Variants in DIRAS2 observed in about 807,000 individuals in gnomAD.
The protein encoded by DIRAS2 is GTP-binding protein Di-Ras2.
DIRAS2 carries 5 observed loss-of-function variants against 13.9 expected under a neutral mutation model. The observed-to-expected ratio is 0.36, with a 90% CI of 0.19 to 0.76. The LOEUF (loss-of-function observed/expected upper bound fraction) is 0.76, where lower values mean the gene tolerates loss of function less well. DIRAS2 is among the 30% of genes least tolerant of loss of function. DIRAS2 has a pLI of 0.53. For missense variants in DIRAS2, 191 were observed against 263.0 expected (o/e 0.73, Z 1.89); for synonymous variants, 111 against 105.4 (o/e 1.05, Z -0.33).
intron 1 of DIRAS2, among the ~76,000 whole-genome samples, chr9:90,626,641 A>C (rs1479047456): frequency 1.3e-5 from 2 of 152,226 alleles, no homozygotes; most frequent in Non-Finnish European, 2.9e-5. Context: ...AAGTGTTAGC[A>C]AAGATAGAGA....
At chr9:90,636,063 A>T (rs138847144) in intron 1 of DIRAS2, among the ~76,000 whole-genome samples, 26,937 of 115,510 alleles carry the variant, frequency 0.23, 3,116 homozygotes, top group Middle Eastern at 0.39. Flanking sequence ...TTTGAGACAG[A>T]GTCTCGCTCC....
rs1447988619 is a variant in DIRAS2 at position 90,613,447 on chromosome 9, G to A, written c.381C>T (p.Pro127=). ...MLVGNKCDES[P]SREVQSSEAE... ...CCTCGCTGCTCTGCACCTCGCGGCT[G>A]GGGCTCTCATCACACTTGTTCCCCA... The change falls in exon 2 of 2, where the codon CCC becomes CCT. Residue 127 remains proline, a synonymous_variant. Transcript: ENST00000375765. This position sits in a 1 kb window ranked among gnomAD's most constrained non-coding sequence, Gnocchi z 5.6. 6.2e-7 allele frequency: 1 copy of A among 1,614,044 alleles called. No individual in the cohort carries two copies. The highest frequency in any genetic ancestry group is 1.7e-5 in the Admixed American group (1 of 60,010).
intron 1 of DIRAS2, among the ~76,000 whole-genome samples, chr9:90,621,659 C>T (rs1054274300): frequency 4.6e-5 from 7 of 152,196 alleles, no homozygotes; most frequent in Non-Finnish European, 7.3e-5. Context: ...CCCAGTTTCT[C>T]TTTTCAGAAA....
intron 1 of DIRAS2, among the ~76,000 whole-genome samples, chr9:90,619,677 C>T (rs1353211549): frequency 6.6e-6 from 1 of 152,120 alleles, no homozygotes; most frequent in African/African-American, 2.4e-5. Flanking sequence ...TAATATGACC[C>T]AGCAATTCCC....
At chr9:90,623,475 T>TAA (rs11428765) in intron 1 of DIRAS2, among the ~76,000 whole-genome samples, 24 of 151,142 alleles carry the variant, frequency 1.6e-4, no homozygotes, top group East Asian at 3.9e-4. Context: ...ATTAAGAAAA[T>TAA]AAAAAAAAAT....
At position 90,613,094 on chromosome 9, in the gene DIRAS2, C is replaced by A; in HGVS notation, c.*134G>T. ...GTGGTGTGAAACGCCCTCTTAAGGA[C>A]AATAGGACGCATCTCGATTAAATGC... On this transcript the variant is annotated 3_prime_UTR_variant, in exon 2 of 2. Coordinates refer to ENST00000375765, the MANE Select transcript of DIRAS2 (RefSeq NM_017594.5). The surrounding 1 kb of genome is among the most constrained non-coding windows in gnomAD (Gnocchi z 5.6). 7.6e-7 allele frequency: 1 copy of A among 1,314,806 alleles called. No individual in the cohort carries two copies. Among genetic ancestry groups the A allele is most frequent in the Non-Finnish European group, 1.0e-6 (1 of 961,814 alleles). The allele number at this position is 1,314,806 out of a possible 1,614,324, so 81.4% of individuals were successfully genotyped here. A position where few individuals can be genotyped will look rare whatever the true frequency, so the allele number is the denominator to read the frequency against.
chr9:90,639,056 TAATC>T (rs1239380719), intron 1 of DIRAS2, among the ~76,000 whole-genome samples: 12 of 152,102 alleles, frequency 7.9e-5, no homozygotes, highest in Non-Finnish European at 1.2e-4. Flanking sequence ...CTCAGAAAAA[TAATC>T]ACTTTGCAGA....
intron 1 of DIRAS2, among the ~76,000 whole-genome samples, chr9:90,620,822 T>C (rs1313329842): frequency 6.6e-6 from 1 of 152,026 alleles, no homozygotes; most frequent in Non-Finnish European, 1.5e-5. Flanking sequence ...AACCTGACGG[T>C]GGCCTGCTGG....
intron 1 of DIRAS2, among the ~76,000 whole-genome samples, chr9:90,641,351 G>A (rs2118593766): frequency 6.6e-6 from 1 of 152,306 alleles, no homozygotes; most frequent in African/African-American, 2.4e-5. Context: ...CAGCAGTTCT[G>A]TGCCTTGGTA....
chr9:90,635,775 TG>T (rs1374192873), intron 1 of DIRAS2, among the ~76,000 whole-genome samples: 1 of 152,238 alleles, frequency 6.6e-6, no homozygotes, highest in Non-Finnish European at 1.5e-5. Flanking sequence ...GAGAAGGTAA[TG>T]GAAGACAAGA....
At chr9:90,628,153 G>A (rs536948892) in intron 1 of DIRAS2, among the ~76,000 whole-genome samples, 1 of 152,280 alleles carries the variant, frequency 6.6e-6, no homozygotes, top group Non-Finnish European at 1.5e-5. Context: ...AGTTCCTACT[G>A]TATTACTGAC....
intron 1 of DIRAS2, among the ~76,000 whole-genome samples, chr9:90,628,975 C>T (rs1464900666): frequency 3.9e-5 from 6 of 152,154 alleles, no homozygotes; most frequent in African/African-American, 1.4e-4. Context: ...CTGCTTCAGC[C>T]TCCTGAGTAG....
rs1825098631 is a variant in DIRAS2, at chr9:90,610,337, T to G, written c.*2891A>C. ...AATGCAGGAAGATAAATTATATATT[T>G]TATATACATGTAATTTTAGATAGAA... On this transcript the variant is annotated 3_prime_UTR_variant, in exon 2 of 2. Coordinates refer to ENST00000375765, the MANE Select transcript of DIRAS2 (RefSeq NM_017594.5). 12 of 398,818 alleles carry G rather than the reference T, an allele frequency of 3.0e-5. No homozygotes were observed. In the East Asian group the frequency reaches 3.9e-4, roughly 13 times the overall value. The allele number at this position is 398,818 out of a possible 1,614,324, so 24.7% of individuals were successfully genotyped here.
At position 90,613,551 on chromosome 9, in the gene DIRAS2, A is replaced by G; in HGVS notation, c.277T>C (p.Ser93Pro). ...TAGATGGGCTTGAGCTCCTCCAAGG[A>G]CTGTCGGCTGGTAATGGAGTACACC... ...ILVYSITSRQ[S>P]LEELKPIYEQ... Residue 93 changes from serine (S) to proline (P), a missense_variant, in exon 2 of 2, where the codon TCC becomes CCC. Coordinates refer to ENST00000375765, the MANE Select transcript of DIRAS2 (RefSeq NM_017594.5). This position sits in a 1 kb window ranked among gnomAD's most constrained non-coding sequence, Gnocchi z 5.6. 6.2e-7 allele frequency: 1 copy of G among 1,614,094 alleles called. No homozygotes were observed. Among genetic ancestry groups the G allele is most frequent in the Non-Finnish European group, 8.5e-7 (1 of 1,180,018 alleles).
At chr9:90,636,791 T>C (rs1203632296) in intron 1 of DIRAS2, among the ~76,000 whole-genome samples, 1 of 152,228 alleles carries the variant, frequency 6.6e-6, no homozygotes, top group African/African-American at 2.4e-5. Context: ...AAGTATGGTA[T>C]ACACAGTGTT....
rs547492067 is a variant in DIRAS2 at position 90,618,001 on chromosome 9, C to G, written c.-36-4138G>C. 3.3e-5 allele frequency among the ~76,000 whole-genome samples: 5 copies of G among 152,304 alleles called. No homozygotes were observed. In the South Asian group the frequency reaches 1.0e-3, roughly 32 times the overall value. ...AAGATAGCAGTATTTCCAGGAATCA[C>G]CTACAGATTCAATGCAATTCTTAAA... On this transcript the variant is annotated intron_variant, in intron 1 of 1. Coordinates refer to ENST00000375765, the MANE Select transcript of DIRAS2 (RefSeq NM_017594.5).
At chr9:90,620,877 G>A (rs1040863785) in intron 1 of DIRAS2, among the ~76,000 whole-genome samples, 17 of 152,310 alleles carry the variant, frequency 1.1e-4, no homozygotes, top group African/African-American at 4.1e-4. Flanking sequence ...TGGTTACACA[G>A]ATGTTAACAT....
intron 1 of DIRAS2, among the ~76,000 whole-genome samples, chr9:90,640,989 A>T (rs1825413889): frequency 6.6e-6 from 1 of 152,188 alleles, no homozygotes; most frequent in Non-Finnish European, 1.5e-5. Flanking sequence ...GTTGTTTTTT[A>T]AAAGGTTTTA....
rs541361019 is a variant in DIRAS2, at chr9:90,610,597, A to G, written c.*2631T>C. 1.1e-4 allele frequency: 42 copies of G among 394,812 alleles called. No individual in the cohort carries two copies. The South Asian group carries it at 2.7e-3, about 25-fold the overall frequency. The allele number at this position is 394,812 out of a possible 1,614,324, so 24.5% of individuals were successfully genotyped here. ...GGATGTGTTTTCAAGAACCACAGCT[A>G]CATATTTGGGAATGGAAACGTACAA... On this transcript the variant is annotated 3_prime_UTR_variant, in exon 2 of 2. Transcript: ENST00000375765.
Sources: allele counts gnomAD v4.1 joint callset (sites outside exome capture counted in the v4.1 genomes callset), GRCh38; gene constraint gnomAD v4.1.1; non-coding constraint Gnocchi (gnomAD v3.1); transcripts MANE v1.5; gene names NCBI Gene and HGNC (gene_info 2026-07-23, HGNC 2026-07-21).